SYNDIG1: variants seen among roughly 807,000 people sequenced by gnomAD.
SYNDIG1 encodes synapse differentiation-inducing gene protein 1.
Under a neutral mutation model 19.4 loss-of-function variants are expected in SYNDIG1, and 9 were observed. The observed-to-expected ratio is 0.46, with a 90% CI of 0.28 to 0.81. SYNDIG1 has a LOEUF of 0.81. Ranked by LOEUF, SYNDIG1 falls within the 30% of genes least tolerant of loss-of-function variation. SYNDIG1 has a pLI of 0.12. For missense variants in SYNDIG1, 311 were observed against 343.3 expected, an observed-to-expected ratio of 0.91 and a Z score of 0.74; for synonymous variants, 141 against 145.9, an observed-to-expected ratio of 0.97 and a Z score of 0.24.
At chr20:24,629,250 A>C (rs1600791312) in intron 3 of SYNDIG1, among the ~76,000 whole-genome samples, 1 of 152,152 alleles carries the variant, frequency 6.6e-6, no homozygotes, top group African/African-American at 2.4e-5. Context: ...GCTTATGCTG[A>C]AGTGGCCTCC....
chr20:24,569,942 G>T (rs1392382047), intron 2 of SYNDIG1, among the ~76,000 whole-genome samples: 1 of 152,186 alleles, frequency 6.6e-6, no homozygotes, highest in Non-Finnish European at 1.5e-5. Flanking sequence ...TCTGTCTGTT[G>T]TATCTATTTG....
rs576925038 is a variant in SYNDIG1 at position 24,598,604 on chromosome 20, A to G, written c.618+13611A>G. On this transcript the variant is annotated intron_variant, in intron 3 of 3. Coordinates refer to ENST00000376862, the MANE Select transcript of SYNDIG1 (RefSeq NM_024893.3). Reference sequence around the variant, plus strand: ...AGTGGGTGAAACTGTGAGGAAATCCACAAGCACCTCTAGGTGCTCAGGATC... The same window carrying G: ...AGTGGGTGAAACTGTGAGGAAATCCGCAAGCACCTCTAGGTGCTCAGGATC... 2.0e-5 allele frequency among the ~76,000 whole-genome samples: 3 copies of G among 152,356 alleles called. No homozygotes were observed. The East Asian group carries it at 5.8e-4, about 29-fold the overall frequency.
intron 2 of SYNDIG1, among the ~76,000 whole-genome samples, chr20:24,572,636 G>A (rs1600657251): frequency 1.3e-5 from 2 of 152,184 alleles, no homozygotes; most frequent in Non-Finnish European, 2.9e-5. Flanking sequence ...GGCAGGATAT[G>A]GGGAGTAGAG....
rs560438607 is a variant in SYNDIG1, at chr20:24,516,652, A to G, written c.-78-26368A>G. ...CACACTAGTTAGAATGGTGATCATTAAAAAGTCAGGAAACAACAGGTGCTG... is the reference window on the plus strand; with the variant it reads ...CACACTAGTTAGAATGGTGATCATTGAAAAGTCAGGAAACAACAGGTGCTG... On this transcript the variant is annotated intron_variant, in intron 1 of 3. Coordinates refer to ENST00000376862, the MANE Select transcript of SYNDIG1 (RefSeq NM_024893.3). Among the ~76,000 whole-genome samples, 10 of 152,358 alleles carry G rather than the reference A, an allele frequency of 6.6e-5. No individual in the cohort carries two copies. In the South Asian group the frequency reaches 1.9e-3, roughly 28 times the overall value.
chr20:24,569,449 C>T (rs1388127930), intron 2 of SYNDIG1, among the ~76,000 whole-genome samples: 2 of 152,128 alleles, frequency 1.3e-5, no homozygotes, highest in African/African-American at 2.4e-5. Context: ...GAGACCTGGG[C>T]GTCAGGAGTG....
chr20:24,471,655 T>G (rs952937124), intron 1 of SYNDIG1, among the ~76,000 whole-genome samples: 5 of 151,928 alleles, frequency 3.3e-5, no homozygotes, highest in African/African-American at 1.2e-4. Context: ...TTTTAAACTT[T>G]TTTATTATGG....
rs56002733 is a variant in SYNDIG1 at position 24,512,108 on chromosome 20, A to AATATATATAT, written c.-78-30875_-78-30866dup. On this transcript the variant is annotated intron_variant, in intron 1 of 3. Transcript: ENST00000376862. ...GCCATGAGGCACCATTGGTCTTTAAAATATATATATATATATATATATATA... is the reference window on the plus strand; with the variant it reads ...GCCATGAGGCACCATTGGTCTTTAAAATATATATATATATATATATATATATATATATATA... Among the ~76,000 whole-genome samples, 55 of 76,544 alleles carry AATATATATAT rather than the reference A, an allele frequency of 7.2e-4. 1 individual carries two copies. The highest frequency in any genetic ancestry group is 1.6e-3 in the East Asian group (4 of 2,522). 50.2% of individuals were successfully genotyped at this position (76,544 alleles called of 152,430 possible).
chr20:24,557,936 G>A (rs78426970), intron 2 of SYNDIG1, among the ~76,000 whole-genome samples: 23 of 152,344 alleles, frequency 1.5e-4, no homozygotes, highest in Middle Eastern at 3.4e-3. Context: ...CTGCCTCGCC[G>A]GAAGAGGGCT....
chr20:24,624,983 A>G (rs760163481), intron 3 of SYNDIG1, among the ~76,000 whole-genome samples: 30 of 152,236 alleles, frequency 2.0e-4, no homozygotes, highest in South Asian at 4.1e-4. Context: ...GGAAAACTTA[A>G]GAATATTTCA....
chr20:24,482,490 G>A (rs1409339122), intron 1 of SYNDIG1, among the ~76,000 whole-genome samples: 1 of 152,224 alleles, frequency 6.6e-6, no homozygotes, highest in Non-Finnish European at 1.5e-5. Context: ...GGCAGCCTTT[G>A]GGATCACTGG....
At chr20:24,601,576 T>C (rs2058680623) in intron 3 of SYNDIG1, among the ~76,000 whole-genome samples, 1 of 152,200 alleles carries the variant, frequency 6.6e-6, no homozygotes, top group Non-Finnish European at 1.5e-5. Context: ...ATAATCAATT[T>C]TAATAATATT....
At chr20:24,501,480 G>T (rs573807651) in intron 1 of SYNDIG1, among the ~76,000 whole-genome samples, 2 of 152,106 alleles carry the variant, frequency 1.3e-5, no homozygotes, top group African/African-American at 4.8e-5. Flanking sequence ...GCTGTGCTGT[G>T]CCCAGCCGTT....
intron 3 of SYNDIG1, among the ~76,000 whole-genome samples, chr20:24,603,755 C>T (rs1277543875): frequency 6.6e-6 from 1 of 152,212 alleles, no homozygotes; most frequent in Non-Finnish European, 1.5e-5. Flanking sequence ...ACAACTCATC[C>T]TTAGCCCAGA....
At chr20:24,472,283 C>A (rs1356257831) in intron 1 of SYNDIG1, among the ~76,000 whole-genome samples, 1 of 152,196 alleles carries the variant, frequency 6.6e-6, no homozygotes, top group Admixed American at 6.5e-5. Context: ...GGAACAGACT[C>A]ATTCTAATTC....
intron 3 of SYNDIG1, among the ~76,000 whole-genome samples, chr20:24,646,854 C>T (rs1456641011): frequency 6.6e-6 from 1 of 152,152 alleles, no homozygotes; most frequent in Non-Finnish European, 1.5e-5. Flanking sequence ...CTTCTGACCT[C>T]AGGTGATCCA....
chr20:24,582,099 TGTCCTCCCCCATGTAC>T (rs1408110288), intron 2 of SYNDIG1, among the ~76,000 whole-genome samples: 1 of 93,938 alleles, frequency 1.1e-5, no homozygotes, highest in South Asian at 4.7e-4. Context: ...TCCCACAGCA[TGTCCTCCCCCATGTAC>T]GTCCTCCCCC....
intron 3 of SYNDIG1, among the ~76,000 whole-genome samples, chr20:24,587,788 T>A (rs533658358): frequency 7.2e-5 from 11 of 152,308 alleles, no homozygotes; most frequent in Admixed American, 3.9e-4. Context: ...GAGCTGAGGC[T>A]CTCCAGGCCC....
chr20:24,661,527 A>AGAG (rs2059599825), intron 3 of SYNDIG1, among the ~76,000 whole-genome samples: 2 of 118,172 alleles, frequency 1.7e-5, no homozygotes, highest in Non-Finnish European at 3.6e-5. Context: ...GGGAGGGAGG[A>AGAG]AAAAAGGAGG....
At chr20:24,560,474 A>G (rs1253687094) in intron 2 of SYNDIG1, among the ~76,000 whole-genome samples, 1 of 151,080 alleles carries the variant, frequency 6.6e-6, no homozygotes, top group Non-Finnish European at 1.5e-5. Flanking sequence ...CCTCTTGTGA[A>G]TTTTCATTTC....
Sources: gnomAD v4.1 joint callset for allele counts (sites outside exome capture counted in the v4.1 genomes callset) on GRCh38, gnomAD v4.1.1 for gene constraint, MANE v1.5 for transcripts, NCBI Gene and HGNC (gene_info 2026-07-23, HGNC 2026-07-21) for gene names.